Variants in AHRR observed in about 807,000 individuals in gnomAD.
AHRR encodes the protein ahR repressor.
AHRR carries 28 observed loss-of-function variants against 44.0 expected under a neutral mutation model. The observed-to-expected ratio is 0.64, with a 90% confidence interval of 0.47 to 0.87. AHRR has a LOEUF of 0.87. Among genes scored for constraint, AHRR ranks in the 40% least tolerant of loss-of-function variants. The pLI is 0.00. For synonymous variants in AHRR, 434 were observed against 407.0 expected, an observed-to-expected ratio of 1.07 and a Z score of -0.80; for missense variants, 990 against 953.9, an observed-to-expected ratio of 1.04 and a Z score of -0.50.
chr5:390,787 G>A (rs978417449), intron 4 of AHRR, among the ~76,000 whole-genome samples: 2 of 152,128 alleles, frequency 1.3e-5, no homozygotes, highest in Non-Finnish European at 2.9e-5. Context: ...CCAGAGAGGA[G>A]GGGCGGGTTT....
intron 4 of AHRR, among the ~76,000 whole-genome samples, chr5:380,018 G>A (rs1055797288): frequency 7.2e-5 from 11 of 152,178 alleles, no homozygotes; most frequent in African/African-American, 2.7e-4. Flanking sequence ...AGATGTGTGA[G>A]GTAGGGGTCA....
intron 4 of AHRR, among the ~76,000 whole-genome samples, chr5:394,262 C>T (rs1032838317): frequency 9.7e-6 from 1 of 103,536 alleles, no homozygotes; most frequent in East Asian, 2.0e-4. Flanking sequence ...CCTTTCCTCC[C>T]TGTGTGCTGG....
At chr5:431,231 G>A (rs1038350776) in intron 8 of AHRR, among the ~76,000 whole-genome samples, 1 of 152,232 alleles carries the variant, frequency 6.6e-6, no homozygotes, top group African/African-American at 2.4e-5. Context: ...GCTCAGGTGT[G>A]GGGCCGAAGG....
intron 3 of AHRR, among the ~76,000 whole-genome samples, chr5:364,278 G>A (rs1743279398): frequency 6.6e-6 from 1 of 152,208 alleles, no homozygotes; most frequent in African/African-American, 2.4e-5. Context: ...AATTCCAGGT[G>A]GAAGATTTGA....
intron 2 of AHRR, 38 bp from the exon 3 acceptor site, chr5:353,692 G>A (rs1277695136): frequency 6.4e-7 from 1 of 1,570,106 alleles, no homozygotes; most frequent in African/African-American, 1.4e-5. Flanking sequence ...GTGGCTTCTG[G>A]TGGAGAAGCC....
intron 7 of AHRR, 112 bp downstream of exon 7, chr5:424,089 T>G: frequency 2.2e-6 from 3 of 1,383,162 alleles, no homozygotes; most frequent in Admixed American, 2.2e-5. Context: ...CACATGTCCC[T>G]GGTGGAGGGA....
intron 5 of AHRR, among the ~76,000 whole-genome samples, chr5:417,683 C>A (rs1011225615): frequency 1.3e-5 from 2 of 152,044 alleles, no homozygotes; most frequent in Admixed American, 6.6e-5. Context: ...GCTAATTGGA[C>A]TTTTTGTTTT....
chr5:322,539 T>C (rs1437939536), intron 1 of AHRR: 4 of 151,888 alleles, frequency 2.6e-5, no homozygotes, highest in African/African-American at 9.7e-5. Flanking sequence ...GCACAGGCTC[T>C]CGTCTGCGGG....
At chr5:340,366 C>T (rs1476309898) in intron 1 of AHRR, among the ~76,000 whole-genome samples, 1 of 151,874 alleles carries the variant, frequency 6.6e-6, no homozygotes, top group Non-Finnish European at 1.5e-5. Context: ...AAATTTATTT[C>T]ACACTGTTCT....
At chr5:367,509 G>A (rs927196686) in intron 3 of AHRR, among the ~76,000 whole-genome samples, 8 of 152,234 alleles carry the variant, frequency 5.3e-5, no homozygotes, top group Admixed American at 3.3e-4. Flanking sequence ...AGCGGTGGCC[G>A]TGGGGACCGG....
At position 342,699 on chromosome 5, in the gene AHRR, C is replaced by CTG. The variant is rs1742387034; in HGVS notation, c.-10-1193_-10-1192dup. ...CTCCCCAAGGCTTCTGGCCCAGAGC[C>CTG]TGGCACGGGATGGTTACTGCACACA... On this transcript the variant is annotated intron_variant, in intron 1 of 10. Coordinates refer to ENST00000684583, the MANE Select transcript of AHRR (RefSeq NM_001377236.1). This position sits in a 1 kb window ranked among gnomAD's most constrained non-coding sequence, Gnocchi z 4.3. 6.6e-6 allele frequency among the ~76,000 whole-genome samples: 1 copy of CTG among 152,266 alleles called. No individual in the cohort carries two copies. Among genetic ancestry groups the CTG allele is most frequent in the Admixed American group, 6.5e-5 (1 of 15,284 alleles).
intron 4 of AHRR, among the ~76,000 whole-genome samples, chr5:403,518 C>A (rs767036770): frequency 3.3e-5 from 5 of 151,976 alleles, no homozygotes; most frequent in Non-Finnish European, 7.4e-5. Flanking sequence ...TGCCTGTAAT[C>A]CCAGCTACTC....
rs1031304214 is a variant in AHRR at position 398,254 on chromosome 5, C to T, written c.352-15090C>T. ...ATCCATGTTAGCCCCTGACCATCCACGTAGCTCCTGACCATCCACGTAGCC... is the reference window on the plus strand; with the variant it reads ...ATCCATGTTAGCCCCTGACCATCCATGTAGCTCCTGACCATCCACGTAGCC... On this transcript the variant is annotated intron_variant, in intron 4 of 10. Coordinates refer to ENST00000684583, the MANE Select transcript of AHRR (RefSeq NM_001377236.1). Among the ~76,000 whole-genome samples the T allele has an allele frequency of 6.6e-5, 10 of 150,620 alleles. No individual in the cohort carries two copies. The South Asian group carries it at 1.1e-3, about 16-fold the overall frequency.
At chr5:416,858 T>C (rs1735838406) in intron 5 of AHRR, among the ~76,000 whole-genome samples, 1 of 152,190 alleles carries the variant, frequency 6.6e-6, no homozygotes. Context: ...TTGGTCTTTT[T>C]GTGCAGGGCC....
rs376201989 is a variant in AHRR at position 405,252 on chromosome 5, G to A, written c.352-8092G>A. 6.6e-6 allele frequency among the ~76,000 whole-genome samples: 1 copy of A among 152,074 alleles called. No individual in the cohort carries two copies. The highest frequency in any genetic ancestry group is 1.5e-5 in the Non-Finnish European group (1 of 68,010). ...CCAACCCTCTTCCTCGGAGCTGCAC[G>A]GGAATGAAAATGTACAAATACCATG... On this transcript the variant is annotated intron_variant, in intron 4 of 10. Transcript: ENST00000684583. This position sits in a 1 kb window ranked among gnomAD's most constrained non-coding sequence, Gnocchi z 4.5.
intron 4 of AHRR, among the ~76,000 whole-genome samples, chr5:389,391 C>G (rs1432009371): frequency 6.6e-6 from 1 of 152,206 alleles, no homozygotes; most frequent in African/African-American, 2.4e-5. Context: ...CCGAGCGACT[C>G]GGATCACATT....
chr5:434,644 G>C lies in AHRR; in HGVS notation c.1904G>C (p.Cys635Ser). 6.4e-7 allele frequency: 1 copy of C among 1,563,344 alleles called. No individual in the cohort carries two copies. Residue 635 changes from cysteine to serine, a missense_variant, in exon 11 of 11, where the codon TGT becomes TCT. Coordinates refer to ENST00000684583, the MANE Select transcript of AHRR (RefSeq NM_001377236.1). ...CAGTCGGAGCCTCCCCACCAGCTCT[G>C]TGCACGGGGCCGAGGTGAACAGTCC... ...LPQSEPPHQL[C>S]ARGRGEQSCT...
intron 3 of AHRR, among the ~76,000 whole-genome samples, chr5:374,321 C>G (rs1743702351): frequency 6.6e-6 from 1 of 152,248 alleles, no homozygotes; most frequent in African/African-American, 2.4e-5. Context: ...GCCTCTTGCC[C>G]TGGCTTCTCC....
intron 3 of AHRR, among the ~76,000 whole-genome samples, chr5:369,161 C>A (rs1345089154): frequency 1.3e-5 from 2 of 152,230 alleles, no homozygotes; most frequent in Non-Finnish European, 2.9e-5. Context: ...TTCTGACTTG[C>A]TGCTTCTCTT....
Sources: gnomAD v4.1 joint callset for allele counts (sites outside exome capture counted in the v4.1 genomes callset) on GRCh38, gnomAD v4.1.1 for gene constraint, Gnocchi (gnomAD v3.1) non-coding constraint, MANE v1.5 for transcripts, NCBI Gene and HGNC (gene_info 2026-07-23, HGNC 2026-07-21) for gene names.